CDH11: variants seen among roughly 807,000 people sequenced by gnomAD.
The protein encoded by CDH11 is cadherin-11.
CDH11 carries 11 observed loss-of-function variants against 67.8 expected under a neutral mutation model. The observed-to-expected ratio is 0.16, with a 90% CI of 0.10 to 0.27. CDH11 has a LOEUF of 0.27. Among genes scored for constraint, CDH11 ranks in the 10% least tolerant of loss-of-function variants. The pLI, the probability that CDH11 is intolerant of heterozygous loss-of-function variation, is 1.00. For missense variants in CDH11, 847 were observed against 1,031.2 expected (o/e 0.82, Z 2.45); for synonymous variants, 419 against 400.0 (o/e 1.05, Z -0.57).
At chr16:64,995,143 C>T (rs1032920905) in intron 4 of CDH11, among the ~76,000 whole-genome samples, 2 of 152,066 alleles carry the variant, frequency 1.3e-5, no homozygotes, top group African/African-American at 4.8e-5. Flanking sequence ...CATTTGATAT[C>T]ATTAAAATGG....
rs1271463793 is a variant in CDH11 at position 64,950,789 on chromosome 16, G to T, written c.1872C>A (p.Leu624=). The change falls in exon 12 of 13, where the codon CTC becomes CTA. Residue 624 remains leucine (L), a synonymous_variant. Coordinates refer to ENST00000268603, the MANE Select transcript of CDH11 (RefSeq NM_001797.4). ...GLSTGALIAI[L]ACIVILLVIV... ...TACCCAGGAGAATGACGATGCAGGC[G>T]AGGATGGCGATCAGGGCGCCTGTGC... 1 of 1,614,046 alleles carries T rather than the reference G, an allele frequency of 6.2e-7. No homozygotes were observed. The highest frequency in any genetic ancestry group is 1.7e-5 in the Admixed American group (1 of 60,032).
intron 6 of CDH11, among the ~76,000 whole-genome samples, chr16:64,989,293 T>C (rs2072570191): frequency 1.3e-5 from 2 of 151,538 alleles, no homozygotes; most frequent in Admixed American, 1.3e-4. Flanking sequence ...TGTGTAAGAG[T>C]GTGAGTGTGT....
chr16:65,028,147 G>A lies in CDH11; in HGVS notation c.-172-23106C>T, dbSNP rs540734345. ...TGTGGCGATGCTTTCCATATCACAC[G>A]TTTATGCCTTGTTTCCTGGGAAACC... On this transcript the variant is annotated intron_variant, in intron 2 of 12. Transcript: ENST00000268603. 3.3e-5 allele frequency among the ~76,000 whole-genome samples: 5 copies of A among 152,252 alleles called. No individual in the cohort carries two copies. In the East Asian group the frequency reaches 5.8e-4, roughly 18 times the overall value.
At chr16:65,044,987 T>C (rs1215472071) in intron 2 of CDH11, among the ~76,000 whole-genome samples, 3 of 151,942 alleles carry the variant, frequency 2.0e-5, no homozygotes, top group Non-Finnish European at 4.4e-5. Context: ...TGGGGGCTTG[T>C]GTGGGCACCG....
chr16:65,021,288 T>C (rs1413059171), intron 2 of CDH11, among the ~76,000 whole-genome samples: 1 of 152,188 alleles, frequency 6.6e-6, no homozygotes, highest in Non-Finnish European at 1.5e-5. Flanking sequence ...GGCTTAGATT[T>C]TGGGAGGATC....
intron 3 of CDH11, 66 bp from the exon 4 acceptor site, chr16:64,998,922 G>A: frequency 5.2e-6 from 7 of 1,338,608 alleles, no homozygotes; most frequent in Non-Finnish European, 7.4e-6. Flanking sequence ...TCACTTACAA[G>A]TGATTGCAAC....
intron 1 of CDH11, among the ~76,000 whole-genome samples, chr16:65,080,353 G>C (rs1187238558): frequency 6.6e-6 from 1 of 151,446 alleles, no homozygotes; most frequent in East Asian, 1.9e-4. Flanking sequence ...TGGGTGCTTA[G>C]AAGTGAAATC....
chr16:64,956,555 T>A (rs1257453186), intron 11 of CDH11, among the ~76,000 whole-genome samples: 2 of 152,356 alleles, frequency 1.3e-5, no homozygotes, highest in Non-Finnish European at 2.9e-5. Flanking sequence ...TGGTTTTTGA[T>A]CTTGACACCA....
At chr16:65,093,011 A>C (rs2074819511) in intron 1 of CDH11, among the ~76,000 whole-genome samples, 1 of 141,746 alleles carries the variant, frequency 7.1e-6, no homozygotes, top group Non-Finnish European at 1.5e-5. Flanking sequence ...ATCTTGGCCC[A>C]CTGCAACCTC....
intron 1 of CDH11, among the ~76,000 whole-genome samples, chr16:65,115,724 A>AAAAAAAAAAAAAAAAAAAAAAC (rs2075234019): frequency 6.8e-6 from 1 of 147,316 alleles, no homozygotes; most frequent in Admixed American, 6.8e-5. Flanking sequence ...AAAAAAAACA[A>AAAAAAAAAAAAAAAAAAAAAAC]AAAAACAAAA....
At position 64,947,716 on chromosome 16, in the gene CDH11, A is replaced by G; in HGVS notation, c.2278T>C (p.Ser760Pro). The G allele has an allele frequency of 6.2e-6, 10 of 1,613,840 alleles. No homozygotes were observed. The highest frequency in any genetic ancestry group is 8.5e-6 in the Non-Finnish European group (10 of 1,179,924). The change falls in exon 13 of 13, where the codon TCG becomes CCG. Residue 760 changes from serine to proline, a missense_variant. Transcript: ENST00000268603. The part of the protein sequence containing the change: ...SVAGSLSSLE[S>P]ATTDSDLDYD... ...TCCAAGTCTGAATCTGTGGTGGCCGACTCTAGGGAGCTCAGGGACCCGGCC... is the reference window on the plus strand; with the variant it reads ...TCCAAGTCTGAATCTGTGGTGGCCGGCTCTAGGGAGCTCAGGGACCCGGCC...
Position 64,947,644 on chromosome 16 carries a change from C to T in CDH11, c.2350G>A (p.Asp784Asn). 1.2e-6 allele frequency: 2 copies of T among 1,614,014 alleles called. No individual in the cohort carries two copies. The highest frequency in any genetic ancestry group is 1.7e-6 in the Non-Finnish European group (2 of 1,179,936). Residue 784 changes from aspartate (D) to asparagine (N), a missense_variant, in exon 13 of 13, where the codon GAT (aspartate) becomes AAT (asparagine). Asp to Asn is a conservative substitution (Grantham distance 23). Transcript: ENST00000268603. The part of the protein sequence containing the change: ...NWGPRFKKLA[D>N]LYGSKDTFDD... The stretch of plus-strand genomic sequence containing the variant: ...AAAGTGTCTTTGGAACCATACAAAT[C>T]TGCTAGTTTCTTAAAACGAGGTCCC...
intron 2 of CDH11, among the ~76,000 whole-genome samples, chr16:65,039,000 G>C (rs1194938366): frequency 2.0e-5 from 3 of 152,134 alleles, no homozygotes; most frequent in African/African-American, 7.2e-5. Flanking sequence ...CTTAGGATCT[G>C]TCTTTTTTGG....
At chr16:65,120,416 C>T (rs1274635159) in intron 1 of CDH11, among the ~76,000 whole-genome samples, 2 of 152,148 alleles carry the variant, frequency 1.3e-5, no homozygotes, top group African/African-American at 4.8e-5. Flanking sequence ...TTATGGTAGC[C>T]TCCCTGTGAT....
At chr16:65,090,005 T>G (rs905811070) in intron 1 of CDH11, among the ~76,000 whole-genome samples, 1 of 152,144 alleles carries the variant, frequency 6.6e-6, no homozygotes, top group Non-Finnish European at 1.5e-5. Context: ...TACAGGAAAC[T>G]TTTTGGCTCC....
intron 11 of CDH11, among the ~76,000 whole-genome samples, chr16:64,962,494 A>G (rs1002373501): frequency 5.3e-5 from 8 of 152,110 alleles, no homozygotes; most frequent in Non-Finnish European, 1.2e-4. Context: ...CTGAACTGTA[A>G]TTGACAAATT....
chr16:65,064,123 G>A (rs899303574), intron 1 of CDH11, among the ~76,000 whole-genome samples: 1 of 152,192 alleles, frequency 6.6e-6, no homozygotes, highest in African/African-American at 2.4e-5. Context: ...AGGTTTCAGA[G>A]TCAAGATGGT....
intron 1 of CDH11, among the ~76,000 whole-genome samples, chr16:65,067,562 CTCAT>C (rs749416059): frequency 5.3e-5 from 8 of 152,202 alleles, no homozygotes; most frequent in South Asian, 4.1e-4. Context: ...TTCTTTATTG[CTCAT>C]TCATTCATTC....
At chr16:65,086,026 T>A (rs1243069335) in intron 1 of CDH11, among the ~76,000 whole-genome samples, 2 of 152,362 alleles carry the variant, frequency 1.3e-5, no homozygotes, top group East Asian at 3.9e-4. Context: ...GGTCTTGTGG[T>A]GCTATTTTGA....
Sources: allele counts gnomAD v4.1 joint callset (sites outside exome capture counted in the v4.1 genomes callset), GRCh38; gene constraint gnomAD v4.1.1; transcripts MANE v1.5; gene names NCBI Gene and HGNC (gene_info 2026-07-23, HGNC 2026-07-21).